Variants in CENPE observed in about 807,000 individuals in gnomAD.
CENPE encodes the protein centromere protein E, also known as centromere-associated protein E.
In CENPE, 145 loss-of-function variants were observed where a neutral mutation model predicts 336.1. The ratio of observed to expected loss-of-function variants is 0.43; its 90% CI spans 0.38 to 0.50. CENPE has a LOEUF of 0.50. Ranked by LOEUF, CENPE falls within the 20% of genes least tolerant of loss-of-function variation. The pLI, the probability that CENPE is intolerant of heterozygous loss-of-function variation, is 0.00. For synonymous variants in CENPE, 1,013 were observed against 984.8 expected (o/e 1.03, Z -0.54); for missense variants, 2,719 against 3,023.3 (o/e 0.90, Z 2.36).
rs762829111 is a variant in CENPE at position 103,123,011 on chromosome 4, G to T, written c.7003C>A (p.Leu2335Met). 3 of 1,613,896 alleles carry T rather than the reference G, an allele frequency of 1.9e-6. No individual in the cohort carries two copies. In the Admixed American group the frequency reaches 5.0e-5, roughly 27 times the overall value. ...AATAGTTTTTCATTTTTCTCTTTCA[G>T]TGATTTCAGGTCCTGTTCCCACTCT... ...SKEWEQDLKS[L>M]KEKNEKLFKN... is the part of the protein sequence containing the mutation. The change falls in exon 43 of 49, where the codon CTG (leucine) becomes ATG (methionine). Residue 2335 changes from leucine to methionine, a missense_variant. Leu to Met is a conservative substitution (Grantham distance 15). Around this residue, in one of 5 missense-constraint regions of CENPE, gnomAD observed 2,437 missense variants for 2,513.3 expected, o/e 0.97. Transcript: ENST00000265148.
chr4:103,112,334 T>TAC (rs1553922735), intron 46 of CENPE, among the ~76,000 whole-genome samples: 1 of 147,132 alleles, frequency 6.8e-6, no homozygotes, highest in African/African-American at 2.5e-5. Context: ...TATATATATA[T>TAC]ACACTTATAT....
At chr4:103,127,408 G>A (rs1751218864) in intron 42 of CENPE, among the ~76,000 whole-genome samples, 1 of 152,072 alleles carries the variant, frequency 6.6e-6, no homozygotes, top group South Asian at 2.1e-4. Context: ...AAAATGGAGG[G>A]AATTTGCTGT....
Position 103,196,164 on chromosome 4 carries a change from A to G in CENPE, c.237T>C (p.Asn79=), listed in dbSNP as rs1757716160. The G allele has an allele frequency of 6.2e-7, 1 of 1,612,254 alleles. No individual in the cohort carries two copies. Among genetic ancestry groups the G allele is most frequent in the Non-Finnish European group, 8.5e-7 (1 of 1,178,376 alleles). ...CTGCAGCATTGAGTGAATACAAACCATTGTAGCCTTGTATGGCAGAATCGA... is the reference window on the plus strand; with the variant it reads ...CTGCAGCATTGAGTGAATACAAACCGTTGTAGCCTTGTATGGCAGAATCGA... The part of the protein sequence containing the change: ...PIIDSAIQGY[N]GTIFAYGQTA... The change falls in exon 3 of 49, where the codon AAT becomes AAC. Residue 79 remains asparagine (N), a splice_region_variant and synonymous_variant. Coordinates refer to ENST00000265148, the MANE Select transcript of CENPE (RefSeq NM_001813.3).
intron 16 of CENPE, among the ~76,000 whole-genome samples, chr4:103,165,830 A>T (rs1754863157): frequency 6.6e-6 from 1 of 151,906 alleles, no homozygotes; most frequent in East Asian, 1.9e-4. Flanking sequence ...ATAAAGAAAA[A>T]GTTTTTTAAT....
At chr4:103,143,437 T>G in intron 33 of CENPE, 31 bp from the exon 34 acceptor site, 1 of 1,389,200 alleles carries the variant, frequency 7.2e-7, no homozygotes, top group Non-Finnish European at 1.0e-6. Flanking sequence ...AAATAATACA[T>G]TGAGAGTAGT....
At chr4:103,193,911 A>G (rs1757547001) in intron 8 of CENPE, among the ~76,000 whole-genome samples, 1 of 152,070 alleles carries the variant, frequency 6.6e-6, no homozygotes, top group Non-Finnish European at 1.5e-5. Flanking sequence ...AAGATGATCT[A>G]AAGTGTTAAA....
chr4:103,148,941 T>G lies in CENPE; in HGVS notation c.3746A>C (p.Glu1249Ala), dbSNP rs759805669. Residue 1249 changes from glutamate (E) to alanine (A), a missense_variant, in exon 28 of 49, where the codon GAA becomes GCA. Transcript: ENST00000265148. ...GCTTCTTCTTAGTTCATCAATAGTT[T>G]CTTGGTGTTCTTTTAGGTGAATATG... ...IAHIHLKEHQ[E>A]TIDELRRSVS... The G allele has an allele frequency of 2.2e-5, 36 of 1,613,724 alleles. No homozygotes were observed. Among genetic ancestry groups the G allele is most frequent in the Non-Finnish European group, 3.1e-5 (36 of 1,179,798 alleles).
chr4:103,149,390 T>C lies in CENPE; in HGVS notation c.3415A>G (p.Lys1139Glu), dbSNP rs768178743. Reference protein sequence around the residue: ...LKEKSQQLQEKQQQLLNVQEE... With the variant: ...LKEKSQQLQEEQQQLLNVQEE... ...TGTACATTAAGAAGTTGTTGCTGTT[T>C]TTCTTGGAGTTGCTGGCTCTTAAAA... Residue 1139 changes from lysine to glutamate, a missense_variant, in exon 27 of 49, where the codon AAA becomes GAA. Physicochemically the swap from Lys to Glu is moderately conservative, Grantham distance 56. Around this residue, in one of 5 missense-constraint regions of CENPE, gnomAD observed 2,437 missense variants for 2,513.3 expected, o/e 0.97. Transcript: ENST00000265148. 1.9e-6 allele frequency: 3 copies of C among 1,567,354 alleles called. No homozygotes were observed. The highest frequency in any genetic ancestry group is 2.6e-6 in the Non-Finnish European group (3 of 1,163,968).
At chr4:103,154,746 TA>T (rs1350421418) in intron 24 of CENPE, among the ~76,000 whole-genome samples, 29 of 152,126 alleles carry the variant, frequency 1.9e-4, no homozygotes, top group Admixed American at 1.6e-3. Flanking sequence ...AATTATTAAA[TA>T]AAAAATTATT....
At position 103,158,658 on chromosome 4, in the gene CENPE, C is replaced by G. The variant is rs777753928; in HGVS notation, c.2830G>C (p.Glu944Gln). ...ATATCACTTTTGAGTTGGTCCCTCTCAATTTGCAAGCTTTCTTGGAGTTGT... is the reference window on the plus strand; with the variant it reads ...ATATCACTTTTGAGTTGGTCCCTCTGAATTTGCAAGCTTTCTTGGAGTTGT... The part of the protein sequence containing the change: ...LKQLQESLQI[E>Q]RDQLKSDIHD... Residue 944 changes from glutamate to glutamine, a missense_variant, in exon 23 of 49, where the codon GAG becomes CAG. Physicochemically the swap from Glu to Gln is conservative, Grantham distance 29 (BLOSUM62 2). Transcript: ENST00000265148. 2.5e-6 allele frequency: 4 copies of G among 1,610,412 alleles called. No individual in the cohort carries two copies. In the Admixed American group the frequency reaches 6.7e-5, roughly 27 times the overall value.
In CENPE at chr4:103,145,116, T is replaced by C. The variant is rs61751594; in HGVS notation, c.4791A>G (p.Arg1597=). 1.1e-5 allele frequency: 18 copies of C among 1,611,048 alleles called. No homozygotes were observed. The highest frequency in any genetic ancestry group is 1.5e-5 in the Non-Finnish European group (18 of 1,178,828). The change falls in exon 32 of 49, where the codon AGA becomes AGG. Residue 1597 remains arginine (R), a synonymous_variant. Coordinates refer to ENST00000265148, the MANE Select transcript of CENPE (RefSeq NM_001813.3). The stretch of plus-strand genomic sequence containing the variant: ...TCTCTATCTGAAGGGCCTCCTGTAC[T>C]CTTTTCATTTCCTCTTTTTCCTTAA... The part of the protein sequence containing the change: ...IMIKEKEEMK[R]VQEALQIERD...
intron 46 of CENPE, among the ~76,000 whole-genome samples, chr4:103,113,137 CTTATAAGTATATAAGTGTAT>C (rs1311254558): frequency 1.8e-5 from 1 of 56,718 alleles, no homozygotes; most frequent in African/African-American, 6.3e-5. Context: ...TGTATATATA[CTTATAAGTATATAAGTGTAT>C]ATATACTTAT....
At chr4:103,158,588 CAA>C (rs751462406) in intron 23 of CENPE, 24 bp downstream of exon 23, 1 of 1,561,560 alleles carries the variant, frequency 6.4e-7, no homozygotes, top group South Asian at 1.2e-5. Context: ...TCCAATTTTT[CAA>C]AGTTTAATCA....
At chr4:103,193,911 A>AT in intron 8 of CENPE, among the ~76,000 whole-genome samples, 1 of 152,188 alleles carries the variant, frequency 6.6e-6, no homozygotes, top group South Asian at 2.1e-4. Context: ...AAGATGATCT[A>AT]AAGTGTTAAA....
rs756702879 is a variant in CENPE at position 103,153,226 on chromosome 4, C to A, written c.3058G>T (p.Asp1020Tyr). ...QKMVGIDKKQ[D>Y]LEAKNTQTLT... ...GTTTGGGTATTTTTAGCTTCCAAAT[C>A]CTGTTTTTTATCTATGCCAACCATC... The change falls in exon 25 of 49, where the codon GAT becomes TAT. Residue 1020 changes from aspartate to tyrosine, a missense_variant. Asp to Tyr is a radical substitution (Grantham distance 160). Coordinates refer to ENST00000265148, the MANE Select transcript of CENPE (RefSeq NM_001813.3). The A allele has an allele frequency of 1.2e-6, 2 of 1,611,726 alleles. No individual in the cohort carries two copies. Among genetic ancestry groups the A allele is most frequent in the South Asian group, 2.2e-5 (2 of 90,766 alleles).
At chr4:103,185,749 C>A in intron 9 of CENPE, 61 bp downstream of exon 9, 2 of 1,138,750 alleles carry the variant, frequency 1.8e-6, no homozygotes, top group Admixed American at 2.3e-5. Context: ...CCTGGTAGTA[C>A]TTTTTAAACC....
chr4:103,147,499 G>A lies in CENPE; in HGVS notation c.3991C>T (p.Leu1331Phe), dbSNP rs1397735644. 6.2e-7 allele frequency: 1 copy of A among 1,613,980 alleles called. No homozygotes were observed. Among genetic ancestry groups the A allele is most frequent in the East Asian group, 2.2e-5 (1 of 44,852 alleles). Reference protein sequence around the residue: ...TTLARIEMERLRLNEKFQESQ... With the variant: ...TTLARIEMERFRLNEKFQESQ... ...TCTTGAAATTTTTCATTCAACCTGAGCCTTTCCATTTCTATTCTTGCCAGT... is the reference window on the plus strand; with the variant it reads ...TCTTGAAATTTTTCATTCAACCTGAACCTTTCCATTTCTATTCTTGCCAGT... Residue 1331 changes from leucine (L) to phenylalanine (F), a missense_variant, in exon 29 of 49, where the codon CTC (leucine) becomes TTC (phenylalanine). Transcript: ENST00000265148.
intron 18 of CENPE, among the ~76,000 whole-genome samples, chr4:103,162,798 A>G (rs1395614784): frequency 6.6e-6 from 1 of 151,914 alleles, no homozygotes; most frequent in Non-Finnish European, 1.5e-5. Context: ...GGCTCAAGTG[A>G]TCTCCCACTT....
intron 21 of CENPE, 30 bp from the exon 22 acceptor site, chr4:103,159,354 T>C: frequency 8.0e-7 from 1 of 1,250,020 alleles, no homozygotes; most frequent in Admixed American, 3.4e-5. Flanking sequence ...TTTAGGGATG[T>C]TAGCAACATA....
Sources: allele counts gnomAD v4.1 joint callset (sites outside exome capture counted in the v4.1 genomes callset), GRCh38; gene constraint gnomAD v4.1.1; regional missense constraint gnomAD v4.1.1; transcripts MANE v1.5; gene names NCBI Gene and HGNC (gene_info 2026-07-23, HGNC 2026-07-21).